Variants in AREL1 observed in about 807,000 individuals in gnomAD.
The protein encoded by AREL1 is apoptosis resistant E3 ubiquitin protein ligase 1.
A neutral mutation model predicts 99.0 loss-of-function variants in AREL1; 62 were observed. The observed-to-expected ratio is 0.63, with a 90% confidence interval of 0.51 to 0.77. The LOEUF (loss-of-function observed/expected upper bound fraction) is 0.77, where lower values mean the gene tolerates loss of function less well. AREL1 is among the 30% of genes least tolerant of loss of function. The pLI is 0.00. For synonymous variants in AREL1, 380 were observed against 376.5 expected, an observed-to-expected ratio of 1.01 and a Z score of -0.11; for missense variants, 879 against 1,027.6, an observed-to-expected ratio of 0.86 and a Z score of 1.98.
chr14:74,664,971 A>G (rs374921018), intron 17 of AREL1, 46 bp from the exon 18 acceptor site: 9 of 1,534,646 alleles, frequency 5.9e-6, no homozygotes, highest in Non-Finnish European at 8.1e-6. Flanking sequence ...AGAGAGACAA[A>G]GACCCAATAT....
chr14:74,680,933 A>C (rs1398010561), intron 5 of AREL1, among the ~76,000 whole-genome samples: 4 of 152,218 alleles, frequency 2.6e-5, no homozygotes, highest in Admixed American at 2.0e-4. Context: ...CTGTAATCCC[A>C]GCACCTTGGG....
chr14:74,681,122 G>C (rs2089618283), intron 5 of AREL1, among the ~76,000 whole-genome samples: 1 of 152,070 alleles, frequency 6.6e-6, no homozygotes. Context: ...ACAGGTCAAG[G>C]CTACAGTGAG....
intron 15 of AREL1, among the ~76,000 whole-genome samples, chr14:74,669,310 T>A (rs1422468465): frequency 6.6e-6 from 1 of 152,050 alleles, no homozygotes; most frequent in Non-Finnish European, 1.5e-5. Context: ...CAGTGACACT[T>A]CACCATCATT....
intron 5 of AREL1, among the ~76,000 whole-genome samples, chr14:74,679,181 A>C (rs1039596485): frequency 6.6e-6 from 1 of 152,198 alleles, no homozygotes; most frequent in African/African-American, 2.4e-5. Flanking sequence ...AATTGAAAAC[A>C]TGTGCTCTGT....
At chr14:74,704,537 C>T (rs2090141118) in intron 1 of AREL1, among the ~76,000 whole-genome samples, 1 of 152,052 alleles carries the variant, frequency 6.6e-6, no homozygotes, top group Admixed American at 6.5e-5. Flanking sequence ...TCTCGGTAGG[C>T]AGGGGATGAC....
chr14:74,677,471 G>A (rs2089513442), intron 5 of AREL1, among the ~76,000 whole-genome samples: 1 of 148,210 alleles, frequency 6.7e-6, no homozygotes, highest in Non-Finnish European at 1.5e-5. Flanking sequence ...ATTCTAGCCT[G>A]TGTGACAAAG....
At chr14:74,705,835 T>C (rs564998275) in intron 1 of AREL1, among the ~76,000 whole-genome samples, 1 of 152,342 alleles carries the variant, frequency 6.6e-6, no homozygotes, top group African/African-American at 2.4e-5. Context: ...CACAAAGGCA[T>C]AGCTTAGATT....
chr14:74,693,030 T>TAA (rs2089915308), intron 1 of AREL1, among the ~76,000 whole-genome samples: 1 of 151,998 alleles, frequency 6.6e-6, no homozygotes, highest in Non-Finnish European at 1.5e-5. Context: ...GCCACAGACT[T>TAA]AAAGAGTAAC....
intron 11 of AREL1, chr14:74,671,943 G>GA (rs1247014212): frequency 2.2e-6 from 1 of 450,690 alleles, no homozygotes; most frequent in Non-Finnish European, 4.5e-6. Context: ...ATATGGCTGA[G>GA]AAAACGGGTT....
intron 1 of AREL1, among the ~76,000 whole-genome samples, chr14:74,694,070 GGAGGCT>G (rs1468454120): frequency 6.6e-6 from 1 of 152,144 alleles, no homozygotes; most frequent in African/African-American, 2.4e-5. Flanking sequence ...CCAGTTACTT[GGAGGCT>G]GAGGTGGGGG....
intron 5 of AREL1, among the ~76,000 whole-genome samples, chr14:74,680,701 G>T (rs551869344): frequency 1.3e-5 from 2 of 152,156 alleles, no homozygotes; most frequent in Admixed American, 1.3e-4. Context: ...CAGAATATAC[G>T]TAGAGAATCC....
chr14:74,665,326 A>G (rs2089191765), intron 17 of AREL1, among the ~76,000 whole-genome samples: 1 of 141,612 alleles, frequency 7.1e-6, no homozygotes, highest in African/African-American at 2.7e-5. Flanking sequence ...TGCAACCTCC[A>G]CCTCTCCACC....
rs1187255416 is a variant in AREL1 at position 74,676,572 on chromosome 14, A to G, written c.651+11T>C. 4.3e-6 allele frequency: 7 copies of G among 1,610,086 alleles called. No homozygotes were observed. Among genetic ancestry groups the G allele is most frequent in the Non-Finnish European group, 5.9e-6 (7 of 1,178,528 alleles). On this transcript the variant is annotated intron_variant, in intron 6 of 19. Coordinates refer to ENST00000356357, the MANE Select transcript of AREL1 (RefSeq NM_001039479.2). Reference sequence around the variant, plus strand: ...TCTCTAGCACACAGATAAAGAAGGGAGACTGCTTACCTCATGAATGGACAA... The same window carrying G: ...TCTCTAGCACACAGATAAAGAAGGGGGACTGCTTACCTCATGAATGGACAA...
At position 74,670,795 on chromosome 14, in the gene AREL1, G is replaced by C. The variant is rs1395388329; in HGVS notation, c.1575C>G (p.Leu525=). The change falls in exon 13 of 20, where the codon CTC becomes CTG. Residue 525 remains leucine, a synonymous_variant. Coordinates refer to ENST00000356357, the MANE Select transcript of AREL1 (RefSeq NM_001039479.2). ...CKALFDTTNQ[L]FTRFSDNNQA... ...GGTTGTTGTCACTGAACCGGGTGAA[G>C]AGCTGATTGGTGGTATCAAATAGTG... 6.2e-7 allele frequency: 1 copy of C among 1,614,014 alleles called. No homozygotes were observed. The highest frequency in any genetic ancestry group is 1.7e-5 in the Admixed American group (1 of 59,994).
At chr14:74,707,105 T>A (rs1395895498) in intron 1 of AREL1, among the ~76,000 whole-genome samples, 1 of 152,060 alleles carries the variant, frequency 6.6e-6, no homozygotes, top group Non-Finnish European at 1.5e-5. Flanking sequence ...CAGTGACTCA[T>A]GCCTATAATC....
intron 1 of AREL1, among the ~76,000 whole-genome samples, chr14:74,710,556 C>G (rs1247262486): frequency 6.6e-6 from 1 of 152,022 alleles, no homozygotes; most frequent in Non-Finnish European, 1.5e-5. Context: ...AGCTTTTAGA[C>G]AATAAAAAGC....
chr14:74,682,796 C>G (rs2089659102), intron 5 of AREL1, among the ~76,000 whole-genome samples: 1 of 152,204 alleles, frequency 6.6e-6, no homozygotes, highest in Non-Finnish European at 1.5e-5. Context: ...CTCTCTCTCT[C>G]TTGCTCCCTC....
At position 74,669,673 on chromosome 14, in the gene AREL1, A is replaced by T; in HGVS notation, c.1890T>A (p.Tyr630Ter). 1.2e-6 allele frequency: 2 copies of T among 1,614,122 alleles called. No individual in the cohort carries two copies. The highest frequency in any genetic ancestry group is 1.7e-6 in the Non-Finnish European group (2 of 1,179,998). Residue 630 changes from tyrosine (Y) to a stop codon, truncating the protein, a stop_gained, in exon 15 of 20, where the codon TAT (tyrosine) becomes TAA (stop). Transcript: ENST00000356357. LOFTEE classifies it high-confidence loss of function. ...CCTTATCCAATTGACCTGATTTATT[A>T]TATTTCTCTTCTGCAAAGACCAGCT... ...EMELVFAEEK[Y>*]NKSGQLDKVV...
At position 74,672,406 on chromosome 14, in the gene AREL1, A is replaced by G. The variant is rs150559854; in HGVS notation, c.1422+425T>C. Among the ~76,000 whole-genome samples, 46 of 152,370 alleles carry G rather than the reference A, an allele frequency of 3.0e-4. No individual in the cohort carries two copies. The East Asian group carries it at 3.7e-3, about 12-fold the overall frequency. ...ATATCTGTCTTTTATAAGTATATCT[A>G]TATCTTTACTTAAACAGAGAAATTT... is the stretch of plus-strand genomic sequence containing the variant. On this transcript the variant is annotated intron_variant, in intron 11 of 19. Coordinates refer to ENST00000356357, the MANE Select transcript of AREL1 (RefSeq NM_001039479.2).
Sources: allele counts gnomAD v4.1 joint callset (sites outside exome capture counted in the v4.1 genomes callset), GRCh38; gene constraint gnomAD v4.1.1; transcripts MANE v1.5; gene names NCBI Gene and HGNC (gene_info 2026-07-23, HGNC 2026-07-21).